Variants in ABCB5 observed in about 807,000 individuals in gnomAD.
ABCB5 encodes ATP-binding cassette sub-family B member 5.
A neutral mutation model predicts 144.2 loss-of-function variants in ABCB5; 155 were observed. The observed-to-expected ratio is 1.08, with a 90% CI of 0.94 to 1.23. The LOEUF (loss-of-function observed/expected upper bound fraction) is 1.23, where lower values mean the gene tolerates loss of function less well. ABCB5 is among the 50% of genes most tolerant of loss of function. ABCB5 has a pLI of 0.00. For synonymous variants in ABCB5, 610 were observed against 528.6 expected, an observed-to-expected ratio of 1.15 and a Z score of -2.11; for missense variants, 1,830 against 1,520.8, an observed-to-expected ratio of 1.20 and a Z score of -3.38.
intron 5 of ABCB5, among the ~76,000 whole-genome samples, chr7:20,640,728 A>G (rs555944073): frequency 1.3e-4 from 20 of 152,330 alleles, no homozygotes; most frequent in African/African-American, 3.6e-4. Context: ...AAACACCACA[A>G]GTATTGACTT....
At chr7:20,618,976 T>C (rs1009251784) in intron 1 of ABCB5, among the ~76,000 whole-genome samples, 1 of 151,876 alleles carries the variant, frequency 6.6e-6, no homozygotes, top group African/African-American at 2.4e-5. Flanking sequence ...GGTTTCACCA[T>C]GTTGTCCAGG....
rs368454983 is a variant in ABCB5, at chr7:20,645,867, A to G, written c.790A>G (p.Lys264Glu). The stretch of plus-strand genomic sequence containing the variant: ...AGTCATAGCCTTTAGGGCCCAGGAG[A>G]AAGAACTTCAAAGGTCTTTCCTTTT... ...RTVIAFRAQEKELQRYTQNLK... is the reference protein window; with the variant it reads ...RTVIAFRAQEEELQRYTQNLK... The change falls in exon 8 of 28, where the codon AAA becomes GAA. Residue 264 changes from lysine (K) to glutamate (E), a missense_variant. Coordinates refer to ENST00000404938, the MANE Select transcript of ABCB5 (RefSeq NM_001163941.2). 1.2e-6 allele frequency: 2 copies of G among 1,613,612 alleles called. No individual in the cohort carries two copies. Among genetic ancestry groups the G allele is most frequent in the African/African-American group, 2.7e-5 (2 of 75,036 alleles).
At chr7:20,650,259 C>T (rs1784541391) in intron 12 of ABCB5, 112 bp downstream of exon 12, 1 of 1,366,890 alleles carries the variant, frequency 7.3e-7, no homozygotes, top group African/African-American at 1.5e-5. Context: ...GGAGAGAAGC[C>T]ATATTGTTTT....
At chr7:20,727,566 C>G (rs987916319) in intron 22 of ABCB5, among the ~76,000 whole-genome samples, 1 of 152,102 alleles carries the variant, frequency 6.6e-6, no homozygotes, top group African/African-American at 2.4e-5. Flanking sequence ...GAAACCCCAT[C>G]TCTACTAAAA....
chr7:20,647,678 C>G (rs371791601), intron 10 of ABCB5, 30 bp downstream of exon 10: 217 of 1,542,152 alleles, frequency 1.4e-4, no homozygotes, highest in Non-Finnish European at 1.8e-4. Flanking sequence ...TGAAGAATAA[C>G]TATCATTACT....
intron 10 of ABCB5, 63 bp downstream of exon 10, chr7:20,647,711 T>C: frequency 6.5e-7 from 1 of 1,528,170 alleles, no homozygotes; most frequent in Non-Finnish European, 8.8e-7. Flanking sequence ...CAAAAAAACA[T>C]ACACCCTCAT....
chr7:20,645,264 T>C (rs539709020), intron 7 of ABCB5, among the ~76,000 whole-genome samples: 3 of 152,356 alleles, frequency 2.0e-5, no homozygotes, highest in South Asian at 4.1e-4. Flanking sequence ...TAATTATCTT[T>C]AGTAAGTGAA....
intron 5 of ABCB5, among the ~76,000 whole-genome samples, chr7:20,633,991 T>A (rs998066366): frequency 2.6e-5 from 4 of 152,050 alleles, no homozygotes; most frequent in African/African-American, 9.7e-5. Flanking sequence ...TTGTAGCCAT[T>A]AAGTAATTTC....
chr7:20,731,369 A>AATATATAT (rs1554289437), intron 23 of ABCB5, among the ~76,000 whole-genome samples: 14 of 123,070 alleles, frequency 1.1e-4, no homozygotes, highest in East Asian at 7.2e-4. Context: ...AAAAAAAAAA[A>AATATATAT]ATATATATAT....
Position 20,685,779 on chromosome 7 carries a change from G to A in ABCB5, c.1953G>A (p.Val651=). 1 of 1,613,772 alleles carries A rather than the reference G, an allele frequency of 6.2e-7. No individual in the cohort carries two copies. The highest frequency in any genetic ancestry group is 1.1e-5 in the South Asian group (1 of 91,002). Residue 651 remains valine, a synonymous_variant, in exon 16 of 28, where the codon GTG becomes GTA. Transcript: ENST00000404938. ...RKTNSLPLHS[V]KSIKSDFIDK... Reference sequence around the variant, plus strand: ...CCAACTCACTTCCTCTGCACTCTGTGAAGAGCATCAAGTCAGACTTCATTG... The same window carrying A: ...CCAACTCACTTCCTCTGCACTCTGTAAAGAGCATCAAGTCAGACTTCATTG...
chr7:20,627,511 G>T (rs1783935760), intron 3 of ABCB5, among the ~76,000 whole-genome samples: 1 of 151,252 alleles, frequency 6.6e-6, no homozygotes, highest in Non-Finnish European at 1.5e-5. Context: ...ATTTTATTTT[G>T]GCCTCTCTCG....
intron 23 of ABCB5, among the ~76,000 whole-genome samples, chr7:20,737,225 T>C (rs533130770): frequency 6.6e-6 from 1 of 151,566 alleles, no homozygotes; most frequent in Admixed American, 6.6e-5. Context: ...CACCTCAAAG[T>C]CCACACTTCC....
chr7:20,658,981 T>C, intron 14 of ABCB5: 1 of 1,469,338 alleles, frequency 6.8e-7, no homozygotes, highest in Non-Finnish European at 9.5e-7. Context: ...CCCACCACTA[T>C]CATCACTATT....
At chr7:20,657,849 A>G (rs1191369121) in intron 13 of ABCB5, among the ~76,000 whole-genome samples, 1 of 152,202 alleles carries the variant, frequency 6.6e-6, no homozygotes, top group East Asian at 1.9e-4. Flanking sequence ...ATTTAAATTT[A>G]TCTCCGTGAA....
At chr7:20,627,586 A>C (rs1583376581) in intron 3 of ABCB5, among the ~76,000 whole-genome samples, 1 of 152,070 alleles carries the variant, frequency 6.6e-6, no homozygotes, top group East Asian at 1.9e-4. Flanking sequence ...TGCTATGGGG[A>C]CCTACTACAG....
At chr7:20,622,176 CTTAA>C (rs1438706631) in intron 1 of ABCB5, among the ~76,000 whole-genome samples, 3 of 152,078 alleles carry the variant, frequency 2.0e-5, no homozygotes, top group East Asian at 1.9e-4. Flanking sequence ...CAAGGCGAGG[CTTAA>C]TTGTTTTGAT....
intron 14 of ABCB5, among the ~76,000 whole-genome samples, chr7:20,679,869 G>GCAGA (rs1785733383): frequency 6.6e-6 from 1 of 152,132 alleles, no homozygotes; most frequent in Non-Finnish European, 1.5e-5. Flanking sequence ...ATCTAGTGAA[G>GCAGA]CAGAGCATAT....
At position 20,700,126 on chromosome 7, in the gene ABCB5, G is replaced by A; in HGVS notation, c.2328G>A (p.Met776Ile). The A allele has an allele frequency of 1.2e-6, 2 of 1,609,336 alleles. No individual in the cohort carries two copies. Among genetic ancestry groups the A allele is most frequent in the African/African-American group, 1.3e-5 (1 of 74,580 alleles). Residue 776 changes from methionine (M) to isoleucine (I), a missense_variant, in exon 19 of 28, where the codon ATG becomes ATA. Coordinates refer to ENST00000404938, the MANE Select transcript of ABCB5 (RefSeq NM_001163941.2). ...TAAGACACTTGGCCTTCAAAGCCAT[G>A]TTATATCAGGTCAGTGATAAGTTGA... Reference protein sequence around the residue: ...MRLRHLAFKAMLYQDIAWFDE... With the variant: ...MRLRHLAFKAILYQDIAWFDE...
intron 14 of ABCB5, 79 bp from the exon 15 acceptor site, chr7:20,681,426 C>A (rs1785823611): frequency 6.7e-7 from 1 of 1,498,038 alleles, no homozygotes; most frequent in East Asian, 2.3e-5. Context: ...CATGCCGGGT[C>A]AACAAAGATT....
Sources: allele counts gnomAD v4.1 joint callset (sites outside exome capture counted in the v4.1 genomes callset), GRCh38; gene constraint gnomAD v4.1.1; transcripts MANE v1.5; gene names NCBI Gene and HGNC (gene_info 2026-07-23, HGNC 2026-07-21).